Variants in WWOX observed in about 807,000 individuals in gnomAD.
WWOX encodes WW domain containing oxidoreductase.
In WWOX, 69 loss-of-function variants were observed where a neutral mutation model predicts 46.2. That is an observed-to-expected ratio of 1.49 (90% CI 1.23 to 1.82). The LOEUF is 1.82. Ranked by LOEUF, WWOX falls within the 40% of genes most tolerant of loss-of-function variation. The probability of loss-of-function intolerance (pLI) is 0.00; values close to 1 mark genes in which losing one functional copy is unlikely to be tolerated. For synonymous variants in WWOX, 359 were observed against 202.6 expected, an observed-to-expected ratio of 1.77 and a Z score of -6.56; for missense variants, 919 against 542.6, an observed-to-expected ratio of 1.69 and a Z score of -6.89.
At chr16:78,104,794 C>T (rs900039823) in intron 1 of WWOX, among the ~76,000 whole-genome samples, 1 of 152,112 alleles carries the variant, frequency 6.6e-6, no homozygotes, top group South Asian at 2.1e-4. Flanking sequence ...AAAAAGTCTT[C>T]TATTGAAAGG....
At chr16:78,611,053 G>T (rs966851667) in intron 8 of WWOX, among the ~76,000 whole-genome samples, 7 of 152,178 alleles carry the variant, frequency 4.6e-5, no homozygotes, top group African/African-American at 7.2e-5. Flanking sequence ...ATCATATGTT[G>T]TTTAATTGAG....
At chr16:78,269,867 T>G (rs948503842) in intron 5 of WWOX, among the ~76,000 whole-genome samples, 3 of 151,954 alleles carry the variant, frequency 2.0e-5, no homozygotes, top group Non-Finnish European at 4.4e-5. Context: ...TGTCACCGTA[T>G]TAGTTTTCAT....
chr16:78,747,477 G>A (rs2049375973), intron 8 of WWOX, among the ~76,000 whole-genome samples: 1 of 152,140 alleles, frequency 6.6e-6, no homozygotes, highest in African/African-American at 2.4e-5. Flanking sequence ...CTCATTATGT[G>A]CCAGCGTTCT....
chr16:78,117,160 C>A (rs1285037291), intron 4 of WWOX, among the ~76,000 whole-genome samples: 1 of 152,172 alleles, frequency 6.6e-6, no homozygotes, highest in East Asian at 1.9e-4. Flanking sequence ...GCTCCCACTT[C>A]CCCCTAAGAC....
rs183313924 is a variant in WWOX, at chr16:78,174,757, G to A, written c.516+10468G>A. 5.3e-3 allele frequency among the ~76,000 whole-genome samples: 810 copies of A among 152,256 alleles called. 9 individuals are homozygous for A. The highest frequency in any genetic ancestry group is 0.019 in the African/African-American group (776 of 41,558). On this transcript the variant is annotated intron_variant, in intron 5 of 8. Coordinates refer to ENST00000566780, the MANE Select transcript of WWOX (RefSeq NM_016373.4). ...AATCCCAGCACTTTGGGAGGCCAAG[G>A]CGGGCGGATTGCCTGAGCTCAAAAG...
chr16:79,128,501 A>T (rs2049807964), intron 8 of WWOX, among the ~76,000 whole-genome samples: 1 of 152,188 alleles, frequency 6.6e-6, no homozygotes, highest in Non-Finnish European at 1.5e-5. Context: ...GAGGTTAAAT[A>T]ACTTGGCCAA....
intron 8 of WWOX, among the ~76,000 whole-genome samples, chr16:79,069,709 G>A (rs2048512747): frequency 6.6e-6 from 1 of 152,172 alleles, no homozygotes; most frequent in Admixed American, 6.5e-5. Context: ...TCAATTAAAT[G>A]AGGCAGTGTG....
chr16:78,625,149 C>T (rs549251679), intron 8 of WWOX, among the ~76,000 whole-genome samples: 3 of 152,278 alleles, frequency 2.0e-5, no homozygotes, highest in African/African-American at 7.2e-5. Flanking sequence ...TGCTGGAGAA[C>T]ATCACCAATC....
At chr16:79,211,154 T>G (rs1015399660) in intron 8 of WWOX, among the ~76,000 whole-genome samples, 18 of 152,136 alleles carry the variant, frequency 1.2e-4, no homozygotes, top group Non-Finnish European at 1.9e-4. Flanking sequence ...ACTTGGGTTT[T>G]CTACCTGATG....
chr16:78,631,512 C>G (rs966879107), intron 8 of WWOX, among the ~76,000 whole-genome samples: 3 of 151,164 alleles, frequency 2.0e-5, no homozygotes, highest in Non-Finnish European at 4.4e-5. Context: ...AGATTATGTT[C>G]AACAGATATT....
intron 8 of WWOX, chr16:78,534,541 A>G (rs1361204541): frequency 6.6e-6 from 1 of 152,152 alleles, no homozygotes; most frequent in African/African-American, 2.4e-5. Flanking sequence ...GACTGGACTC[A>G]CAGGTGGAGA....
intron 5 of WWOX, among the ~76,000 whole-genome samples, chr16:78,295,750 A>G (rs975523881): frequency 6.6e-6 from 1 of 151,696 alleles, no homozygotes; most frequent in African/African-American, 2.4e-5. Context: ...ACAAACAAAA[A>G]CTTGTCTCCA....
intron 5 of WWOX, among the ~76,000 whole-genome samples, chr16:78,261,772 G>GTATCTATCTATC: frequency 7.7e-6 from 1 of 130,014 alleles, no homozygotes; most frequent in South Asian, 2.6e-4. Flanking sequence ...ATCTATCTAT[G>GTATCTATCTATC]TATCTATCTA....
intron 8 of WWOX, among the ~76,000 whole-genome samples, chr16:78,559,542 G>T (rs1215537212): frequency 6.6e-6 from 1 of 152,092 alleles, no homozygotes; most frequent in Admixed American, 6.5e-5. Context: ...TGTTAATATG[G>T]TTTCTTATTA....
chr16:78,741,653 A>C (rs765283111), intron 8 of WWOX, among the ~76,000 whole-genome samples: 1 of 152,162 alleles, frequency 6.6e-6, no homozygotes, highest in African/African-American at 2.4e-5. Context: ...TCAGGAGTTC[A>C]AGACCAGGCT....
At chr16:78,855,250 A>G (rs542318388) in intron 8 of WWOX, among the ~76,000 whole-genome samples, 22 of 152,330 alleles carry the variant, frequency 1.4e-4, no homozygotes, top group Non-Finnish European at 2.5e-4. Flanking sequence ...ATTAAAAACC[A>G]AAGTACTAAA....
chr16:78,722,083 G>A (rs1165296539), intron 8 of WWOX, among the ~76,000 whole-genome samples: 1 of 152,092 alleles, frequency 6.6e-6, no homozygotes, highest in Admixed American at 6.5e-5. Flanking sequence ...ATTATATTTT[G>A]CTTTACGTGC....
chr16:78,603,483 C>G (rs921990541), intron 8 of WWOX, among the ~76,000 whole-genome samples: 2 of 152,088 alleles, frequency 1.3e-5, no homozygotes, highest in Non-Finnish European at 2.9e-5. Flanking sequence ...TTACTTGAGG[C>G]CAGGAGTTCG....
chr16:78,163,298 T>A (rs1051211311), intron 4 of WWOX, among the ~76,000 whole-genome samples: 6 of 152,190 alleles, frequency 3.9e-5, no homozygotes, highest in African/African-American at 1.4e-4. Flanking sequence ...AAACTAGGAA[T>A]TGAAATGGCC....
Sources: gnomAD v4.1 joint callset for allele counts (sites outside exome capture counted in the v4.1 genomes callset) on GRCh38, gnomAD v4.1.1 for gene constraint, MANE v1.5 for transcripts, NCBI Gene and HGNC (gene_info 2026-07-23, HGNC 2026-07-21) for gene names.